The following AIG1 variants were observed in gnomAD, a reference collection of about 807,000 sequenced individuals.
AIG1 encodes androgen-induced gene 1 protein.
Under a neutral mutation model 31.4 loss-of-function variants are expected in AIG1, and 23 were observed. The ratio of observed to expected loss-of-function variants is 0.73; its 90% CI spans 0.53 to 1.04. AIG1 has a LOEUF of 1.04. AIG1 is among the 50% of genes least tolerant of loss of function. AIG1 has a pLI of 0.00. For missense variants in AIG1, 274 were observed against 295.0 expected, an observed-to-expected ratio of 0.93 and a Z score of 0.52; for synonymous variants, 100 against 110.5, an observed-to-expected ratio of 0.90 and a Z score of 0.60.
In AIG1 at chr6:143,244,857, A is replaced by C. The variant is rs1330445753; in HGVS notation, c.400-39253A>C. 5.9e-5 allele frequency among the ~76,000 whole-genome samples: 9 copies of C among 152,224 alleles called. 1 individual carries two copies. The highest frequency in any genetic ancestry group is 1.3e-4 in the Non-Finnish European group (9 of 68,046). On this transcript the variant is annotated intron_variant, in intron 3 of 5. Coordinates refer to ENST00000357847, the MANE Select transcript of AIG1 (RefSeq NM_016108.4). ...TTCACAAGCTCCAAGCTATGTTACC[A>C]CTAAAGCCTTTCTCACAACCCAAAG... is the stretch of plus-strand genomic sequence containing the variant.
In AIG1 at chr6:143,113,870, G is replaced by A. The variant is rs1455106824; in HGVS notation, c.142-22965G>A. Among the ~76,000 whole-genome samples the A allele has an allele frequency of 3.3e-5, 5 of 151,906 alleles. No homozygotes were observed. The South Asian group carries it at 1.0e-3, about 32-fold the overall frequency. ...GCTCACTGCAAGCTCTGCCTCCCGGGTTCATGGCATTCTCCTGCCTCAGCT... is the reference window on the plus strand; with the variant it reads ...GCTCACTGCAAGCTCTGCCTCCCGGATTCATGGCATTCTCCTGCCTCAGCT... On this transcript the variant is annotated intron_variant, in intron 1 of 5. Coordinates refer to ENST00000357847, the MANE Select transcript of AIG1 (RefSeq NM_016108.4).
chr6:143,161,222 A>G (rs1410124742), intron 2 of AIG1, among the ~76,000 whole-genome samples: 1 of 152,210 alleles, frequency 6.6e-6, no homozygotes, highest in Non-Finnish European at 1.5e-5. Context: ...CCCTATATTT[A>G]TTAAAGAAAA....
intron 3 of AIG1, among the ~76,000 whole-genome samples, chr6:143,236,556 C>A (rs1793822213): frequency 6.6e-6 from 1 of 152,288 alleles, no homozygotes; most frequent in Non-Finnish European, 1.5e-5. Context: ...AAGTTCCTGC[C>A]CCCTTCTGAG....
chr6:143,247,163 C>T (rs1794678656), intron 3 of AIG1, among the ~76,000 whole-genome samples: 2 of 152,024 alleles, frequency 1.3e-5, no homozygotes, highest in African/African-American at 4.8e-5. Context: ...GACAGCATCT[C>T]ACTCTGTCGC....
intron 4 of AIG1, among the ~76,000 whole-genome samples, chr6:143,323,027 G>A (rs758756252): frequency 2.0e-5 from 3 of 152,134 alleles, no homozygotes; most frequent in Non-Finnish European, 2.9e-5. Context: ...AAGGTAGGCT[G>A]TATGGTTTAT....
chr6:143,278,175 A>G (rs1797078530), intron 3 of AIG1, among the ~76,000 whole-genome samples: 1 of 152,086 alleles, frequency 6.6e-6, no homozygotes, highest in South Asian at 2.1e-4. Flanking sequence ...TAAACCTCCA[A>G]CTCATCCATC....
chr6:143,338,041 T>A lies in AIG1; in HGVS notation c.680-1598T>A. ...CTAGGTCAATGAATACCCCCCGTTC[T>A]CCACCCGCGCTTTTGAAGATTCCAG... On this transcript the variant is annotated intron_variant, in intron 5 of 5. Transcript: ENST00000357847. This position sits in a 1 kb window ranked among gnomAD's most constrained non-coding sequence, Gnocchi z 4.3. 1 of 398,662 alleles carries A rather than the reference T, an allele frequency of 2.5e-6. No individual in the cohort carries two copies. The highest frequency in any genetic ancestry group is 4.4e-6 in the Non-Finnish European group (1 of 226,096). The allele number at this position is 398,662 out of a possible 1,614,324, so 24.7% of individuals were successfully genotyped here. A position where few individuals can be genotyped will look rare whatever the true frequency, so the allele number is the denominator to read the frequency against.
chr6:143,166,086 C>T (rs1256886065), intron 3 of AIG1, among the ~76,000 whole-genome samples: 2 of 152,064 alleles, frequency 1.3e-5, no homozygotes, highest in African/African-American at 4.8e-5. Flanking sequence ...TCCCTTCTGC[C>T]CCCAATTTTG....
intron 3 of AIG1, among the ~76,000 whole-genome samples, chr6:143,281,242 C>A (rs1583721702): frequency 6.6e-6 from 1 of 152,180 alleles, no homozygotes; most frequent in East Asian, 1.9e-4. Context: ...CCTTTCTGAG[C>A]CTTTTTTGCC....
At chr6:143,277,443 CACAGTA>C (rs1381186257) in intron 3 of AIG1, among the ~76,000 whole-genome samples, 4 of 152,124 alleles carry the variant, frequency 2.6e-5, no homozygotes, top group Non-Finnish European at 5.9e-5. Context: ...AATACAGGTG[CACAGTA>C]ACACAAAGAT....
rs554699871 is a variant in AIG1, at chr6:143,132,507, T to A, written c.142-4328T>A. 5.9e-4 allele frequency among the ~76,000 whole-genome samples: 90 copies of A among 152,284 alleles called. 1 individual carries two copies. Among genetic ancestry groups the A allele is most frequent in the Middle Eastern group, 3.4e-3 (1 of 294 alleles). ...CCCTCCAGTGGCTTTAAAATTTCCA[T>A]CTTTGTCAAAATTTTATGAAATTTG... On this transcript the variant is annotated intron_variant, in intron 1 of 5. Coordinates refer to ENST00000357847, the MANE Select transcript of AIG1 (RefSeq NM_016108.4).
At chr6:143,260,702 CT>C (rs1795713838) in intron 3 of AIG1, among the ~76,000 whole-genome samples, 1 of 152,170 alleles carries the variant, frequency 6.6e-6, no homozygotes, top group Admixed American at 6.5e-5. Flanking sequence ...GTATTTATTC[CT>C]TTTTAAGCCC....
At chr6:143,216,017 A>G (rs1172049578) in intron 3 of AIG1, among the ~76,000 whole-genome samples, 1 of 152,118 alleles carries the variant, frequency 6.6e-6, no homozygotes, top group African/African-American at 2.4e-5. Context: ...TGATTCATAG[A>G]CTGTAGCCTA....
chr6:143,213,079 C>T (rs990264302), intron 3 of AIG1, among the ~76,000 whole-genome samples: 18 of 152,186 alleles, frequency 1.2e-4, no homozygotes, highest in Non-Finnish European at 2.2e-4. Flanking sequence ...CCCTTGAATA[C>T]TCTGAAGTTG....
chr6:143,322,641 A>T (rs760049273), intron 4 of AIG1, among the ~76,000 whole-genome samples: 2 of 152,230 alleles, frequency 1.3e-5, no homozygotes, highest in East Asian at 1.9e-4. Context: ...GTGGGACTGC[A>T]TGGAAGCACA....
chr6:143,266,346 CAA>C (rs398002969), intron 3 of AIG1, among the ~76,000 whole-genome samples: 2 of 93,216 alleles, frequency 2.1e-5, no homozygotes, highest in African/African-American at 8.0e-5. Context: ...GAGTCCGTCT[CAA>C]AAAAAAAAAA....
intron 3 of AIG1, among the ~76,000 whole-genome samples, chr6:143,245,107 T>C (rs1429071247): frequency 3.3e-5 from 5 of 152,236 alleles, no homozygotes; most frequent in African/African-American, 1.2e-4. Flanking sequence ...GCCCAGTTAA[T>C]GAACAAGGGT....
In AIG1 at chr6:143,197,238, A is replaced by G. The variant is rs79114018; in HGVS notation, c.399+32055A>G. On this transcript the variant is annotated intron_variant, in intron 3 of 5. Coordinates refer to ENST00000357847, the MANE Select transcript of AIG1 (RefSeq NM_016108.4). Reference sequence around the variant, plus strand: ...CTTTACTCTTTTTCTAACTAAAATAATTTATGTTTTTGTACATCAAAACTT... The same window carrying G: ...CTTTACTCTTTTTCTAACTAAAATAGTTTATGTTTTTGTACATCAAAACTT... Among the ~76,000 whole-genome samples the G allele has an allele frequency of 6.6e-3, 1,011 of 152,166 alleles. 11 individuals carry two copies. Among genetic ancestry groups the G allele is most frequent in the African/African-American group, 0.023 (937 of 41,504 alleles).
downstream of AIG1, among the ~76,000 whole-genome samples, chr6:143,343,808 G>T (rs1274013160): frequency 2.0e-5 from 3 of 151,996 alleles, no homozygotes; most frequent in Non-Finnish European, 4.4e-5. Flanking sequence ...TTGTTCTATG[G>T]ATTATTTTGT....
Sources: gnomAD v4.1 joint callset for allele counts (sites outside exome capture counted in the v4.1 genomes callset) on GRCh38, gnomAD v4.1.1 for gene constraint, Gnocchi (gnomAD v3.1) non-coding constraint, MANE v1.5 for transcripts, NCBI Gene and HGNC (gene_info 2026-07-23, HGNC 2026-07-21) for gene names.